TMEM178B: variants seen among roughly 807,000 people sequenced by gnomAD.
TMEM178B encodes transmembrane protein 178B.
TMEM178B carries 5 observed loss-of-function variants against 31.0 expected under a neutral mutation model. That is an observed-to-expected ratio of 0.16 (90% CI 0.08 to 0.34). The LOEUF (loss-of-function observed/expected upper bound fraction) is 0.34. TMEM178B is among the 10% of genes least tolerant of loss of function. The probability of loss-of-function intolerance (pLI) is 1.00; values close to 1 mark genes in which losing one functional copy is unlikely to be tolerated. For synonymous variants in TMEM178B, 164 were observed against 164.0 expected, an observed-to-expected ratio of 1.00 and a Z score of 0.00; for missense variants, 275 against 400.3, an observed-to-expected ratio of 0.69 and a Z score of 2.67.
At chr7:141,431,478 C>A (rs1338482834) in intron 2 of TMEM178B, among the ~76,000 whole-genome samples, 1 of 152,198 alleles carries the variant, frequency 6.6e-6, no homozygotes, top group Non-Finnish European at 1.5e-5. Context: ...CCTCTGCCCA[C>A]TCCTTTCCAC....
At chr7:141,418,498 T>C (rs1177974040) in intron 2 of TMEM178B, among the ~76,000 whole-genome samples, 1 of 152,184 alleles carries the variant, frequency 6.6e-6, no homozygotes, top group Admixed American at 6.5e-5. Context: ...GGTTTTATGA[T>C]CTTATGTCTT....
intron 2 of TMEM178B, among the ~76,000 whole-genome samples, chr7:141,276,792 C>T (rs543469720): frequency 3.3e-5 from 5 of 152,288 alleles, no homozygotes; most frequent in Non-Finnish European, 7.4e-5. Flanking sequence ...ACTTACTATA[C>T]ACCTAGGCTA....
chr7:141,130,017 G>T (rs1446379075), intron 1 of TMEM178B, among the ~76,000 whole-genome samples: 1 of 152,168 alleles, frequency 6.6e-6, no homozygotes, highest in South Asian at 2.1e-4. Context: ...TGCCCTTAAA[G>T]ACAATAGATG....
At chr7:141,243,361 A>G (rs746469151) in intron 2 of TMEM178B, among the ~76,000 whole-genome samples, 7 of 152,044 alleles carry the variant, frequency 4.6e-5, no homozygotes, top group Admixed American at 1.3e-4. Flanking sequence ...GTCTCTCAGC[A>G]CTTCTGTCTT....
chr7:141,205,097 A>T (rs1796941349), intron 1 of TMEM178B, among the ~76,000 whole-genome samples: 1 of 152,178 alleles, frequency 6.6e-6, no homozygotes, highest in South Asian at 2.1e-4. Context: ...AAGTCCTGGG[A>T]TTACAGGCTG....
At chr7:141,256,008 A>G (rs528855219) in intron 2 of TMEM178B, among the ~76,000 whole-genome samples, 16 of 151,738 alleles carry the variant, frequency 1.1e-4, no homozygotes, top group African/African-American at 3.9e-4. Flanking sequence ...CCTTCCATCC[A>G]TTCATCCATC....
chr7:141,267,958 A>T (rs993529367), intron 2 of TMEM178B, among the ~76,000 whole-genome samples: 3 of 152,250 alleles, frequency 2.0e-5, no homozygotes, highest in African/African-American at 7.2e-5. Context: ...TGGAGCTGAT[A>T]AAGAGGCACG....
intron 2 of TMEM178B, among the ~76,000 whole-genome samples, chr7:141,273,388 C>A (rs925510737): frequency 3.3e-5 from 5 of 152,056 alleles, no homozygotes; most frequent in Non-Finnish European, 5.9e-5. Flanking sequence ...TCACATTGTG[C>A]CCTTTAAATA....
At chr7:141,301,469 T>G (rs1455242868) in intron 2 of TMEM178B, among the ~76,000 whole-genome samples, 1 of 152,204 alleles carries the variant, frequency 6.6e-6, no homozygotes, top group Non-Finnish European at 1.5e-5. Context: ...TAAATTTTTT[T>G]TTTCTCTTGT....
intron 2 of TMEM178B, among the ~76,000 whole-genome samples, chr7:141,381,827 C>T (rs1800321719): frequency 6.6e-6 from 1 of 152,172 alleles, no homozygotes; most frequent in Non-Finnish European, 1.5e-5. Context: ...TGTATTTACA[C>T]TCATCTATTT....
rs116145797 is a variant in TMEM178B at position 141,344,136 on chromosome 7, G to C, written c.497-93472G>C. Among the ~76,000 whole-genome samples the C allele has an allele frequency of 1.9e-3, 282 of 152,306 alleles. 1 individual carries two copies. Among genetic ancestry groups the C allele is most frequent in the African/African-American group, 6.5e-3 (272 of 41,564 alleles). On this transcript the variant is annotated intron_variant, in intron 2 of 3. Transcript: ENST00000565468. The surrounding 1 kb of genome is among the most constrained non-coding windows in gnomAD (Gnocchi z 4.1). ...TTAGGTTGGTGCAAAAGTAATTGTG[G>C]TTTTTGCCATTACTTTTAAGGGTGA...
intron 2 of TMEM178B, among the ~76,000 whole-genome samples, chr7:141,337,869 G>A (rs1042529584): frequency 4.6e-5 from 7 of 151,494 alleles, no homozygotes; most frequent in Non-Finnish European, 5.9e-5. Context: ...ACGGAGTCTC[G>A]CTCTGTCACC....
Position 141,480,065 on chromosome 7 carries a change from A to G in TMEM178B, c.*9279A>G, listed in dbSNP as rs1802445805. The G allele has an allele frequency of 6.6e-6, 1 of 152,218 alleles. No individual in the cohort carries two copies. Among genetic ancestry groups the G allele is most frequent in the African/African-American group, 2.4e-5 (1 of 41,450 alleles). 9.4% of individuals were successfully genotyped at this position (152,218 alleles called of 1,614,324 possible). A position where few individuals can be genotyped will look rare whatever the true frequency, so the allele number is the denominator to read the frequency against. On this transcript the variant is annotated 3_prime_UTR_variant, in exon 4 of 4. Coordinates refer to ENST00000565468, the MANE Select transcript of TMEM178B (RefSeq NM_001195278.2). ...GAAAGGCGATTCAAACCAGATCTTG[A>G]AACTATTGTGATGTTCTGAGAGGTA...
intron 2 of TMEM178B, among the ~76,000 whole-genome samples, chr7:141,240,119 C>T (rs1019436780): frequency 1.3e-5 from 2 of 152,138 alleles, no homozygotes; most frequent in African/African-American, 4.8e-5. Flanking sequence ...TGGTGCATCT[C>T]AATTCAGACT....
chr7:141,282,241 A>G (rs1563140395), intron 2 of TMEM178B, among the ~76,000 whole-genome samples: 1 of 152,230 alleles, frequency 6.6e-6, no homozygotes, highest in Non-Finnish European at 1.5e-5. Flanking sequence ...AATATTCATA[A>G]GGCCTGAAAA....
chr7:141,238,022 TAAAAAAAAAAA>T lies in TMEM178B; in HGVS notation c.496+25327_496+25337del, dbSNP rs1207360561. 8.1e-5 allele frequency among the ~76,000 whole-genome samples: 9 copies of T among 111,676 alleles called. No homozygotes were observed. The Admixed American group carries it at 8.3e-4, about 10-fold the overall frequency. The allele number at this position is 111,676 out of a possible 152,430, so 73.3% of individuals were successfully genotyped here. On this transcript the variant is annotated intron_variant, in intron 2 of 3. Transcript: ENST00000565468. ...CTGGGTGACAGAGCAAGACTCTGTC[TAAAAAAAAAAA>T]AAAAAAAAGGAAATTAAGGACAGGA...
intron 2 of TMEM178B, among the ~76,000 whole-genome samples, chr7:141,431,796 A>G (rs1425842780): frequency 6.6e-6 from 1 of 152,190 alleles, no homozygotes; most frequent in African/African-American, 2.4e-5. Flanking sequence ...AATACAAGCT[A>G]TATATATGTT....
chr7:141,101,440 T>C (rs901744950), intron 1 of TMEM178B, among the ~76,000 whole-genome samples: 3 of 152,230 alleles, frequency 2.0e-5, no homozygotes, highest in African/African-American at 7.2e-5. Flanking sequence ...ACAGCCCTAG[T>C]TGTAATGGTT....
rs191390987 is a variant in TMEM178B, at chr7:141,461,279, T to C, written c.635-9257T>C. On this transcript the variant is annotated intron_variant, in intron 3 of 3. Transcript: ENST00000565468. The surrounding 1 kb of genome is among the most constrained non-coding windows in gnomAD (Gnocchi z 4.0). ...GCAGAGCCTGCCTTGCAGCGACCTGTAGGGCTCCAGTCAGAACATAGGCCC... is the reference window on the plus strand; with the variant it reads ...GCAGAGCCTGCCTTGCAGCGACCTGCAGGGCTCCAGTCAGAACATAGGCCC... Among the ~76,000 whole-genome samples, 449 of 152,256 alleles carry C rather than the reference T, an allele frequency of 2.9e-3. 2 individuals are homozygous for C. Among genetic ancestry groups the C allele is most frequent in the African/African-American group, 0.01 (422 of 41,554 alleles).
Sources: allele counts gnomAD v4.1 joint callset (sites outside exome capture counted in the v4.1 genomes callset), GRCh38; gene constraint gnomAD v4.1.1; non-coding constraint Gnocchi (gnomAD v3.1); transcripts MANE v1.5; gene names NCBI Gene and HGNC (gene_info 2026-07-23, HGNC 2026-07-21).